Variants in CDKL5 observed in about 807,000 individuals in gnomAD.
The protein encoded by CDKL5 is cyclin-dependent kinase-like 5.
CDKL5 carries 8 observed loss-of-function variants against 61.7 expected under a neutral mutation model. The ratio of observed to expected loss-of-function variants is 0.13; its 90% CI spans 0.08 to 0.23. The LOEUF (loss-of-function observed/expected upper bound fraction) is 0.23. Among genes scored for constraint, CDKL5 ranks in the 10% least tolerant of loss-of-function variants. The pLI is 1.00. For missense variants in CDKL5, 440 were observed against 734.5 expected, an observed-to-expected ratio of 0.60 and a Z score of 4.63; for synonymous variants, 275 against 272.3, an observed-to-expected ratio of 1.01 and a Z score of -0.10.
chrX:18,556,860 G>A (rs1420487468), intron 3 of CDKL5, among the ~76,000 whole-genome samples: 11 of 63,534 alleles, frequency 1.7e-4, no homozygotes, highest in African/African-American at 7.4e-4. Flanking sequence ...TCCAGCCTGG[G>A]AAACAGAGCA....
chrX:18,447,426 C>T (rs1468874753), intron 1 of CDKL5, among the ~76,000 whole-genome samples: 3 of 111,892 alleles, frequency 2.7e-5, no homozygotes, highest in East Asian at 2.8e-4. Flanking sequence ...GCGATTTACA[C>T]GTAGTCTCTC....
At chrX:18,648,447 C>A (rs753698219) in intron 20 of CDKL5, among the ~76,000 whole-genome samples, 20 of 109,925 alleles carry the variant, frequency 1.8e-4, no homozygotes, top group Non-Finnish European at 3.4e-4. Context: ...TTGCCATGTT[C>A]CCCAGGCTGG....
At chrX:18,509,197 G>GCACGCGCGCACACACACACA (rs1204561636) in intron 2 of CDKL5, among the ~76,000 whole-genome samples, 5 of 64,314 alleles carry the variant, frequency 7.8e-5, no homozygotes, top group South Asian at 1.1e-3. Context: ...CTCAAAACAC[G>GCACGCGCGCACACACACACA]CACACACACA....
intron 14 of CDKL5, among the ~76,000 whole-genome samples, chrX:18,611,439 C>CAAAA (rs1350028134): frequency 7.6e-5 from 3 of 39,329 alleles, no homozygotes; most frequent in African/African-American, 2.9e-4. Flanking sequence ...CGTCTCAAAA[C>CAAAA]AAAAAAAAAA....
At chrX:18,522,869 C>T (rs1923305075) in intron 3 of CDKL5, among the ~76,000 whole-genome samples, 1 of 94,707 alleles carries the variant, frequency 1.1e-5, no homozygotes, top group African/African-American at 4.0e-5. Flanking sequence ...GATCTCGGCT[C>T]ACTGCAACCT....
intron 4 of CDKL5, among the ~76,000 whole-genome samples, chrX:18,567,711 T>A (rs770448024): frequency 9.0e-6 from 1 of 111,386 alleles, no homozygotes. Flanking sequence ...CGAGACCCTG[T>A]TTCTACAAAA....
chrX:18,549,008 A>G (rs985165793), intron 3 of CDKL5, among the ~76,000 whole-genome samples: 9 of 112,270 alleles, frequency 8.0e-5, no homozygotes, highest in Admixed American at 7.6e-4. Flanking sequence ...TATAGATTTT[A>G]TATACATGCA....
intron 8 of CDKL5, chrX:18,587,652 A>G: frequency 4.0e-6 from 1 of 252,005 alleles, no homozygotes; most frequent in Non-Finnish European, 7.0e-6. Context: ...GTTACTTGCC[A>G]GATATGTATA....
At chrX:18,459,871 AT>A (rs1191664900) in intron 1 of CDKL5, among the ~76,000 whole-genome samples, 5 of 95,043 alleles carry the variant, frequency 5.3e-5, no homozygotes, top group South Asian at 1.0e-3. Context: ...CACCCAGCTA[AT>A]TTTTTTTTTC....
intron 3 of CDKL5, among the ~76,000 whole-genome samples, chrX:18,518,021 G>A (rs1923085416): frequency 1.8e-5 from 2 of 111,492 alleles, no homozygotes; most frequent in South Asian, 3.7e-4. Context: ...CAACAGAGTA[G>A]TACGTCGTGA....
intron 3 of CDKL5, among the ~76,000 whole-genome samples, chrX:18,563,710 C>T (rs745403139): frequency 1.8e-5 from 2 of 111,732 alleles, no homozygotes; most frequent in East Asian, 5.6e-4. Context: ...TTTTATATGA[C>T]ATGTTGGCTT....
intron 12 of CDKL5, among the ~76,000 whole-genome samples, chrX:18,606,207 C>CACAA (rs1926362085): frequency 9.2e-6 from 1 of 108,270 alleles, no homozygotes; most frequent in South Asian, 3.8e-4. Context: ...CACACACACA[C>CACAA]ACAAACACAC....
At chrX:18,641,059 C>T (rs926788154), downstream of CDKL5, 1 of 112,680 alleles carries the variant, frequency 8.9e-6, no homozygotes, top group African/African-American at 3.2e-5. Context: ...CTTCCCACTT[C>T]CTGCGAAGCA....
chrX:18,623,296 G>T (rs977579899), intron 16 of CDKL5, among the ~76,000 whole-genome samples: 1 of 111,695 alleles, frequency 9.0e-6, no homozygotes, highest in Non-Finnish European at 1.9e-5. Context: ...TTTTCCATTG[G>T]GTAAATATTT....
At chrX:18,569,462 A>T (rs893504001) in intron 4 of CDKL5, among the ~76,000 whole-genome samples, 1 of 112,100 alleles carries the variant, frequency 8.9e-6, no homozygotes, top group African/African-American at 3.2e-5. Context: ...TACTTTTCAG[A>T]CTATGTATAA....
At chrX:18,582,555 A>G (rs1428614679) in intron 7 of CDKL5, among the ~76,000 whole-genome samples, 3 of 111,618 alleles carry the variant, frequency 2.7e-5, no homozygotes. Flanking sequence ...AAAATTTTAG[A>G]TTGTATGTTA....
intron 1 of CDKL5, among the ~76,000 whole-genome samples, chrX:18,454,890 ATT>A (rs759341960): frequency 6.6e-4 from 53 of 80,246 alleles, no homozygotes; most frequent in African/African-American, 2.1e-3. Flanking sequence ...TCTCAAGTGT[ATT>A]TTTTTTTTTT....
intron 1 of CDKL5, among the ~76,000 whole-genome samples, chrX:18,429,585 G>A (rs771729063): frequency 2.9e-4 from 32 of 111,904 alleles, no homozygotes; most frequent in Non-Finnish European, 5.4e-4. Context: ...CTGACTTGAA[G>A]CCGTGCTCTT....
chrX:18,514,945 C>T (rs758697821), intron 3 of CDKL5, among the ~76,000 whole-genome samples: 60 of 109,564 alleles, frequency 5.5e-4, no homozygotes, highest in South Asian at 1.6e-3. Flanking sequence ...ACTATAGGCG[C>T]GCACCAACAT....
Sources: allele counts gnomAD v4.1 joint callset (sites outside exome capture counted in the v4.1 genomes callset), GRCh38; gene constraint gnomAD v4.1.1; transcripts MANE v1.5; gene names NCBI Gene and HGNC (gene_info 2026-07-23, HGNC 2026-07-21).